Variants in SETDB2 observed in about 807,000 individuals in gnomAD.
SETDB2 encodes the protein histone-lysine N-methyltransferase SETDB2.
Under a neutral mutation model 82.5 loss-of-function variants are expected in SETDB2, and 56 were observed. That is an observed-to-expected ratio of 0.68 (90% confidence interval 0.55 to 0.85). The LOEUF is 0.85. SETDB2 is among the 40% of genes least tolerant of loss of function. SETDB2 has a pLI of 0.00. For missense variants in SETDB2, 677 were observed against 816.4 expected, an observed-to-expected ratio of 0.83 and a Z score of 2.08; for synonymous variants, 272 against 284.9, an observed-to-expected ratio of 0.95 and a Z score of 0.46.
rs577863604 is a variant in SETDB2, at chr13:49,451,833, A to G, written c.-61A>G. ...AGTTGGATTCCAGTGATATTCTGCA[A>G]TCAAAGTGATTTGATAAACCTAATT... On this transcript the variant is annotated 5_prime_UTR_variant, in exon 2 of 14. Coordinates refer to ENST00000611815, the MANE Select transcript of SETDB2 (RefSeq NM_001160308.3). The G allele has an allele frequency of 9.4e-6, 13 of 1,380,992 alleles. No homozygotes were observed. The East Asian group carries it at 1.4e-4, about 15-fold the overall frequency. The allele number at this position is 1,380,992 out of a possible 1,614,324, so 85.5% of individuals were successfully genotyped here. A position where few individuals can be genotyped will look rare whatever the true frequency, so the allele number is the denominator to read the frequency against.
At chr13:49,469,253 T>C (rs907270228) in intron 5 of SETDB2, among the ~76,000 whole-genome samples, 1 of 152,176 alleles carries the variant, frequency 6.6e-6, no homozygotes, top group East Asian at 1.9e-4. Context: ...TGTGGCTGGC[T>C]CACTACTAGA....
rs1300746153 is a variant in SETDB2 at position 49,494,289 on chromosome 13, TTATG to T, written c.*2448_*2451del. ...TATCTCCTTGAAGATGTTTGTGTGT[TTATG>T]TATGTATATGCACACACGTATACAT... On this transcript the variant is annotated 3_prime_UTR_variant, in exon 14 of 14. Coordinates refer to ENST00000611815, the MANE Select transcript of SETDB2 (RefSeq NM_001160308.3). 6.6e-6 allele frequency: 1 copy of T among 152,252 alleles called. No individual in the cohort carries two copies. Among genetic ancestry groups the T allele is most frequent in the Non-Finnish European group, 1.5e-5 (1 of 68,042 alleles). The allele number at this position is 152,252 out of a possible 1,614,324, so 9.4% of individuals were successfully genotyped here. A position where few individuals can be genotyped will look rare whatever the true frequency, so the allele number is the denominator to read the frequency against.
chr13:49,476,320 A>C (rs1391170368), intron 5 of SETDB2, among the ~76,000 whole-genome samples, 156 bp from the exon 6 acceptor site: 1 of 152,204 alleles, frequency 6.6e-6, no homozygotes, highest in Non-Finnish European at 1.5e-5. Context: ...AAAAATAGAT[A>C]TAATCTTTGT....
Position 49,476,577 on chromosome 13 carries a change from C to T in SETDB2, c.407C>T (p.Ser136Phe), listed in dbSNP as rs372675860. ...TTATCTTACCAAAGTCATGACTGCTCTGGTGCTTGTCTGATGAAAATGCCA... is the reference window on the plus strand; with the variant it reads ...TTATCTTACCAAAGTCATGACTGCTTTGGTGCTTGTCTGATGAAAATGCCA... ...SNLSYQSHDC[S>F]GACLMKMPLN... Residue 136 changes from serine to phenylalanine, a missense_variant, in exon 6 of 14, where the codon TCT becomes TTT. By Grantham distance (155) the Ser-to-Phe change is radical. Transcript: ENST00000611815. 7.4e-6 allele frequency: 12 copies of T among 1,614,016 alleles called. No individual in the cohort carries two copies. The highest frequency in any genetic ancestry group is 5.5e-5 in the South Asian group (5 of 91,086).
intron 6 of SETDB2, among the ~76,000 whole-genome samples, chr13:49,478,013 A>T (rs897282941): frequency 6.6e-6 from 1 of 152,230 alleles, no homozygotes; most frequent in Non-Finnish European, 1.5e-5. Context: ...GTGTTGCATT[A>T]TATGTACTTT....
chr13:49,477,174 G>T (rs893152740), intron 6 of SETDB2, 135 bp downstream of exon 6: 4 of 796,448 alleles, frequency 5.0e-6, no homozygotes, highest in African/African-American at 1.8e-5. Context: ...GGTGGCCCAC[G>T]TGTGTAATCC....
chr13:49,467,920 A>G lies in SETDB2; in HGVS notation c.265A>G (p.Thr89Ala), dbSNP rs1188901166. The G allele has an allele frequency of 1.2e-6, 2 of 1,610,798 alleles. No homozygotes were observed. Among genetic ancestry groups the G allele is most frequent in the South Asian group, 1.1e-5 (1 of 90,606 alleles). ...AAACAAATCCAATGCATTTCCCTCT[A>G]CATCATGTGAAAACTCCTTTCCAGA... The part of the protein sequence containing the change: ...QENKSNAFPS[T>A]SCENSFPEDC... Residue 89 changes from threonine to alanine, a missense_variant, in exon 5 of 14, where the codon ACA (threonine) becomes GCA (alanine). Coordinates refer to ENST00000611815, the MANE Select transcript of SETDB2 (RefSeq NM_001160308.3).
chr13:49,457,361 CTTTTTTTTTTTAATAA>C (rs1173341925), intron 2 of SETDB2, among the ~76,000 whole-genome samples: 1 of 106,996 alleles, frequency 9.3e-6, no homozygotes, highest in African/African-American at 3.6e-5. Flanking sequence ...ATTTCTAAGA[CTTTTTTTTTTTAATAA>C]CTCATTTTAA....
chr13:49,465,365 A>G (rs781152304), intron 4 of SETDB2, among the ~76,000 whole-genome samples: 4 of 152,246 alleles, frequency 2.6e-5, no homozygotes, highest in Middle Eastern at 3.4e-3. Flanking sequence ...AGTAAATCCT[A>G]TTTCCAACTA....
chr13:49,461,928 G>A (rs996988871), intron 4 of SETDB2, among the ~76,000 whole-genome samples: 1 of 152,174 alleles, frequency 6.6e-6, no homozygotes. Flanking sequence ...ACTCACAGAA[G>A]TATTTACTAT....
chr13:49,491,901 G>C lies in SETDB2; in HGVS notation c.*52G>C, dbSNP rs780345569. 4.6e-6 allele frequency: 6 copies of C among 1,295,732 alleles called. No individual in the cohort carries two copies. The South Asian group carries it at 7.1e-5, about 15-fold the overall frequency. The allele number at this position is 1,295,732 out of a possible 1,614,324, so 80.3% of individuals were successfully genotyped here. A position where few individuals can be genotyped will look rare whatever the true frequency, so the allele number is the denominator to read the frequency against. On this transcript the variant is annotated 3_prime_UTR_variant, in exon 14 of 14. Transcript: ENST00000611815. The stretch of plus-strand genomic sequence containing the variant: ...ATTAGCTTATCAGGCTGAAATTAAA[G>C]CCATGCAAAAGAAGGTCTAGGTCCA...
At chr13:49,460,380 C>A in intron 3 of SETDB2, 148 bp downstream of exon 3, 2 of 849,134 alleles carry the variant, frequency 2.4e-6, no homozygotes, top group Non-Finnish European at 3.3e-6. Flanking sequence ...CTTTTTATCT[C>A]AAGCTACTTT....
chr13:49,481,428 G>A (rs1046865143), intron 8 of SETDB2, among the ~76,000 whole-genome samples: 12 of 150,870 alleles, frequency 8.0e-5, no homozygotes, highest in Non-Finnish European at 1.6e-4. Context: ...AATAAAACTT[G>A]TTAAAAGTAA....
intron 6 of SETDB2, among the ~76,000 whole-genome samples, chr13:49,479,464 T>C (rs1958434976): frequency 6.6e-6 from 1 of 152,250 alleles, no homozygotes; most frequent in Non-Finnish European, 1.5e-5. Flanking sequence ...TGTTCTTTTC[T>C]CTTGCAAACA....
rs1405742677 is a variant in SETDB2 at position 49,480,164 on chromosome 13, C to G, written c.870-55C>G. 19 of 1,145,870 alleles carry G rather than the reference C, an allele frequency of 1.7e-5. No individual in the cohort carries two copies. The East Asian group carries it at 4.5e-4, about 27-fold the overall frequency. 71.0% of individuals were successfully genotyped at this position (1,145,870 alleles called of 1,614,324 possible). A position where few individuals can be genotyped will look rare whatever the true frequency, so the allele number is the denominator to read the frequency against. On this transcript the variant is annotated intron_variant, in intron 6 of 13. Coordinates refer to ENST00000611815, the MANE Select transcript of SETDB2 (RefSeq NM_001160308.3). The stretch of plus-strand genomic sequence containing the variant: ...ATTTACACATTTATCAAGACAGTCT[C>G]TTGACTTGACTTGCTGCTTTTTCAT...
chr13:49,487,960 AAGTC>A (rs1255434461), intron 11 of SETDB2, among the ~76,000 whole-genome samples: 1 of 152,218 alleles, frequency 6.6e-6, no homozygotes, highest in African/African-American at 2.4e-5. Flanking sequence ...AAAGAGAAGA[AAGTC>A]AGTTTATTAT....
chr13:49,447,637 G>C (rs1957715109), intron 1 of SETDB2, among the ~76,000 whole-genome samples: 1 of 152,114 alleles, frequency 6.6e-6, no homozygotes, highest in South Asian at 2.1e-4. Context: ...TGCATGAAGT[G>C]ATAGTTTTCC....
At chr13:49,456,011 G>A (rs1566156403) in intron 2 of SETDB2, among the ~76,000 whole-genome samples, 1 of 152,060 alleles carries the variant, frequency 6.6e-6, no homozygotes, top group Non-Finnish European at 1.5e-5. Context: ...GTCACTAGCA[G>A]TTTTACTCAC....
intron 10 of SETDB2, among the ~76,000 whole-genome samples, chr13:49,484,731 A>G (rs2057417): frequency 0.71 from 108,636 of 152,156 alleles, 39,038 homozygotes; most frequent in East Asian, 0.82. Flanking sequence ...AAAGAGAACA[A>G]AGAGAGACAT....
Sources: allele counts gnomAD v4.1 joint callset (sites outside exome capture counted in the v4.1 genomes callset), GRCh38; gene constraint gnomAD v4.1.1; transcripts MANE v1.5; gene names NCBI Gene and HGNC (gene_info 2026-07-23, HGNC 2026-07-21).